PLCL2: variants seen among roughly 807,000 people sequenced by gnomAD.
PLCL2 encodes the protein inactive phospholipase C-like protein 2.
Under a neutral mutation model 79.6 loss-of-function variants are expected in PLCL2, and 4 were observed. The observed-to-expected ratio is 0.05, with a 90% CI of 0.02 to 0.11. The LOEUF is 0.11. PLCL2 is among the 10% of genes least tolerant of loss of function. PLCL2 has a pLI of 1.00. For synonymous variants in PLCL2, 484 were observed against 457.7 expected (o/e 1.06, Z -0.73); for missense variants, 895 against 1,291.0 (o/e 0.69, Z 4.70).
At position 17,089,175 on chromosome 3, in the gene PLCL2, C is replaced by T. The variant is rs1249840879; in HGVS notation, c.3205-558C>T. ...GTGCAGTGCTGTGCCTTGGTTGCCA[C>T]GGTGGTTACGTGAACCCACACATGT... On this transcript the variant is annotated intron_variant, in intron 5 of 5. Transcript: ENST00000615277. Among the ~76,000 whole-genome samples, 4 of 152,106 alleles carry T rather than the reference C, an allele frequency of 2.6e-5. No individual in the cohort carries two copies. The South Asian group carries it at 6.2e-4, about 24-fold the overall frequency.
At chr3:17,000,055 T>G (rs552296720) in intron 1 of PLCL2, among the ~76,000 whole-genome samples, 2 of 152,294 alleles carry the variant, frequency 1.3e-5, no homozygotes, top group East Asian at 3.9e-4. Flanking sequence ...CAGATCCCTT[T>G]GAGAATCTAA....
Position 17,012,172 on chromosome 3 carries a change from T to C in PLCL2, c.2814+12T>C, listed in dbSNP as rs370771626. 2.8e-5 allele frequency: 45 copies of C among 1,594,092 alleles called. No individual in the cohort carries two copies. The highest frequency in any genetic ancestry group is 1.7e-4 in the Admixed American group (10 of 57,240). On this transcript the variant is annotated intron_variant, in intron 2 of 5. Coordinates refer to ENST00000615277, the MANE Select transcript of PLCL2 (RefSeq NM_001144382.2). ...GAGAAAACATGCAGGTGCGTGCTTG[T>C]GTTTAATCATTTACTCAATGGTTTT...
intron 3 of PLCL2, chr3:17,035,652 A>G: frequency 2.6e-6 from 1 of 390,462 alleles, no homozygotes; most frequent in East Asian, 8.8e-5. Context: ...TTTGTTCATA[A>G]CACCTCTGCT....
intron 5 of PLCL2, among the ~76,000 whole-genome samples, chr3:17,076,722 C>A (rs1002372463): frequency 6.6e-6 from 1 of 152,086 alleles, no homozygotes; most frequent in Non-Finnish European, 1.5e-5. Context: ...AGGTTGGTTT[C>A]AAACTCCTGG....
chr3:16,943,955 G>C (rs904137706), intron 1 of PLCL2, among the ~76,000 whole-genome samples: 1 of 152,080 alleles, frequency 6.6e-6, no homozygotes, highest in Non-Finnish European at 1.5e-5. Flanking sequence ...TATGTTTAAG[G>C]TCACTTTTTA....
chr3:16,919,463 T>A (rs1697073327), intron 1 of PLCL2, among the ~76,000 whole-genome samples: 2 of 152,180 alleles, frequency 1.3e-5, no homozygotes, highest in Non-Finnish European at 2.9e-5. Context: ...TTTTTAAGCA[T>A]TAATTTGTGG....
At chr3:17,035,121 A>T (rs923146215) in intron 3 of PLCL2, among the ~76,000 whole-genome samples, 3 of 152,144 alleles carry the variant, frequency 2.0e-5, no homozygotes, top group African/African-American at 7.2e-5. Flanking sequence ...CTGTGGAGAA[A>T]ATTTTCAATT....
chr3:16,924,331 C>T (rs563095431), intron 1 of PLCL2, among the ~76,000 whole-genome samples: 208 of 152,212 alleles, frequency 1.4e-3, no homozygotes, highest in Non-Finnish European at 2.6e-3. Flanking sequence ...TTTATAAAGT[C>T]TATATTCTTT....
At chr3:16,922,611 G>T (rs557589159) in intron 1 of PLCL2, among the ~76,000 whole-genome samples, 1 of 152,110 alleles carries the variant, frequency 6.6e-6, no homozygotes, top group Admixed American at 6.5e-5. Context: ...AAGATATCCT[G>T]TATGGGATAT....
intron 4 of PLCL2, among the ~76,000 whole-genome samples, chr3:17,062,617 G>A (rs1168108205): frequency 1.3e-5 from 2 of 152,118 alleles, no homozygotes; most frequent in Non-Finnish European, 2.9e-5. Flanking sequence ...AAATTAGACT[G>A]GTATATGGGA....
intron 3 of PLCL2, among the ~76,000 whole-genome samples, chr3:17,041,639 A>G (rs2064722906): frequency 6.6e-6 from 1 of 152,208 alleles, no homozygotes; most frequent in Non-Finnish European, 1.5e-5. Flanking sequence ...TTAGTGATAA[A>G]TGCTATAAAG....
chr3:16,889,875 T>A (rs1696307171), intron 1 of PLCL2, among the ~76,000 whole-genome samples: 1 of 152,212 alleles, frequency 6.6e-6, no homozygotes. Flanking sequence ...TTTAGACATT[T>A]TTTTTTGAAT....
rs777741829 is a variant in PLCL2 at position 17,089,892 on chromosome 3, A to C, written c.3364A>C (p.Asn1122His). The C allele has an allele frequency of 6.2e-7, 1 of 1,612,946 alleles. No individual in the cohort carries two copies. The highest frequency in any genetic ancestry group is 8.5e-7 in the Non-Finnish European group (1 of 1,179,708). Reference protein sequence around the residue: ...RSLEVIPEKANDETGE With the variant: ...RSLEVIPEKAHDETGE ...CTTGGAAGTCATACCCGAAAAAGCA[A>C]ACGATGAAACTGGAGAATGAGGAAA... The change falls in exon 6 of 6, where the codon AAC (asparagine) becomes CAC (histidine). Residue 1122 changes from asparagine (N) to histidine (H), a missense_variant. Asn to His is a moderately conservative substitution (Grantham distance 68). Around this residue, in one of 6 missense-constraint regions of PLCL2, gnomAD observed 298 missense variants for 459.6 expected, o/e 0.65. Coordinates refer to ENST00000615277, the MANE Select transcript of PLCL2 (RefSeq NM_001144382.2).
intron 4 of PLCL2, among the ~76,000 whole-genome samples, chr3:17,046,313 C>T (rs2064779927): frequency 6.6e-6 from 1 of 152,170 alleles, no homozygotes; most frequent in Non-Finnish European, 1.5e-5. Context: ...GTCTTTTCCA[C>T]TTTCTAATAT....
chr3:17,041,933 A>G (rs1318797731), intron 3 of PLCL2, among the ~76,000 whole-genome samples: 1 of 152,054 alleles, frequency 6.6e-6, no homozygotes, highest in African/African-American at 2.4e-5. Context: ...GACAGAACAG[A>G]CCGTGTCTCT....
At chr3:16,897,678 GGTGATGCTCCA>G (rs1447681286) in intron 1 of PLCL2, among the ~76,000 whole-genome samples, 1 of 152,222 alleles carries the variant, frequency 6.6e-6, no homozygotes. Context: ...TGAACCATCT[GGTGATGCTCCA>G]GTGCTCCGCC....
chr3:16,963,617 G>C (rs1358790655), intron 1 of PLCL2, among the ~76,000 whole-genome samples: 1 of 152,054 alleles, frequency 6.6e-6, no homozygotes, highest in Non-Finnish European at 1.5e-5. Context: ...AAGTAGAATA[G>C]AGAGCAATCT....
chr3:16,957,538 G>A (rs1455256988), intron 1 of PLCL2, among the ~76,000 whole-genome samples: 5 of 152,156 alleles, frequency 3.3e-5, no homozygotes, highest in East Asian at 1.9e-4. Context: ...GTAGATGTCT[G>A]TTAGGTCTGC....
chr3:16,944,516 G>T (rs1282918778), intron 1 of PLCL2, among the ~76,000 whole-genome samples: 1 of 152,052 alleles, frequency 6.6e-6, no homozygotes, highest in East Asian at 1.9e-4. Context: ...ATTAAATGAG[G>T]TCATTGGGAT....
Sources: allele counts gnomAD v4.1 joint callset (sites outside exome capture counted in the v4.1 genomes callset), GRCh38; gene constraint gnomAD v4.1.1; regional missense constraint gnomAD v4.1.1; transcripts MANE v1.5; gene names NCBI Gene and HGNC (gene_info 2026-07-23, HGNC 2026-07-21).